ADGRD1: variants seen among roughly 807,000 people sequenced by gnomAD.
The protein encoded by ADGRD1 is adhesion G protein-coupled receptor D1.
A neutral mutation model predicts 113.4 loss-of-function variants in ADGRD1; 77 were observed. The ratio of observed to expected loss-of-function variants is 0.68; its 90% CI spans 0.57 to 0.82. ADGRD1 has a LOEUF of 0.82. Among genes scored for constraint, ADGRD1 ranks in the 40% least tolerant of loss-of-function variants. The pLI is 0.00. For synonymous variants in ADGRD1, 474 were observed against 475.0 expected (o/e 1.00, Z 0.03); for missense variants, 1,036 against 1,139.1 (o/e 0.91, Z 1.30).
intron 21 of ADGRD1, among the ~76,000 whole-genome samples, chr12:131,132,740 CAT>C (rs1227489341): frequency 2.6e-5 from 4 of 152,198 alleles, no homozygotes; most frequent in African/African-American, 9.6e-5. Flanking sequence ...GGGATTCACT[CAT>C]ATGACCGTGT....
Position 131,138,127 on chromosome 12 carries a change from C to G in ADGRD1, c.2437-10C>G. ...GAAATTGCTCTCACGATCCCTTCCC[C>G]GCTTTCAAGGTGAGAGCCGCCTTCA... is the stretch of plus-strand genomic sequence containing the variant. On this transcript the variant is annotated splice_polypyrimidine_tract_variant and intron_variant, in intron 23 of 24. Coordinates refer to ENST00000261654, the MANE Select transcript of ADGRD1 (RefSeq NM_198827.5). The G allele has an allele frequency of 6.2e-7, 1 of 1,612,358 alleles. No homozygotes were observed. The highest frequency in any genetic ancestry group is 8.5e-7 in the Non-Finnish European group (1 of 1,179,004).
At chr12:131,129,443 T>TGTGACAGGCCCGCCCTGCTCTGGGTGTGA (rs1950849907) in intron 20 of ADGRD1, among the ~76,000 whole-genome samples, 1 of 73,924 alleles carries the variant, frequency 1.4e-5, no homozygotes, top group African/African-American at 7.0e-5. Context: ...GCTGTCTGGG[T>TGTGACAGGCCCGCCCTGCTCTGGGTGTGA]GTGACAGGCC....
chr12:131,074,394 G>A (rs1885416100), intron 13 of ADGRD1, among the ~76,000 whole-genome samples: 1 of 152,196 alleles, frequency 6.6e-6, no homozygotes, highest in Admixed American at 6.5e-5. Context: ...TCAGGAGGAC[G>A]CTCAGGTGAA....
At chr12:131,106,788 G>A (rs1950242369) in intron 17 of ADGRD1, among the ~76,000 whole-genome samples, 2 of 152,194 alleles carry the variant, frequency 1.3e-5, no homozygotes, top group African/African-American at 4.8e-5. Context: ...CCTCAGACTC[G>A]GGAGCATCTG....
intron 12 of ADGRD1, among the ~76,000 whole-genome samples, chr12:131,008,050 G>A (rs1877383310): frequency 6.6e-6 from 1 of 152,250 alleles, no homozygotes; most frequent in African/African-American, 2.4e-5. Context: ...AGTGACTTGA[G>A]CCTGGAGGCC....
intron 2 of ADGRD1, among the ~76,000 whole-genome samples, chr12:130,959,900 G>T (rs1441404885): frequency 6.6e-6 from 1 of 152,186 alleles, no homozygotes; most frequent in African/African-American, 2.4e-5. Flanking sequence ...GAGGGACCGT[G>T]GGGACTATTG....
At chr12:131,064,887 G>A (rs537493781) in intron 13 of ADGRD1, among the ~76,000 whole-genome samples, 14 of 152,296 alleles carry the variant, frequency 9.2e-5, no homozygotes, top group East Asian at 3.9e-4. Flanking sequence ...CTGGGTGAGC[G>A]TTCCTGCCTA....
At chr12:131,076,715 G>T (rs1188495870) in intron 13 of ADGRD1, 86 bp from the exon 14 acceptor site, 2 of 1,174,182 alleles carry the variant, frequency 1.7e-6, no homozygotes, top group Non-Finnish European at 2.6e-6. Context: ...TCGCCCAGCT[G>T]TAAGGGTCTC....
intron 12 of ADGRD1, among the ~76,000 whole-genome samples, chr12:131,007,385 C>T (rs1239860774): frequency 6.6e-6 from 1 of 152,240 alleles, no homozygotes; most frequent in African/African-American, 2.4e-5. Flanking sequence ...AGGCGGCCAG[C>T]CCAAGAGCTG....
chr12:131,051,053 C>A lies in ADGRD1; in HGVS notation c.1474-25748C>A, dbSNP rs527486479. The stretch of plus-strand genomic sequence containing the variant: ...TCATGAGAACACCGCCCGCATGATC[C>A]AGTCACCTCCCAGCAGGCCCCGCCT... On this transcript the variant is annotated intron_variant, in intron 13 of 24. Transcript: ENST00000261654. Among the ~76,000 whole-genome samples the A allele has an allele frequency of 7.2e-5, 11 of 152,318 alleles. No homozygotes were observed. The South Asian group carries it at 8.3e-4, about 11-fold the overall frequency.
chr12:131,005,567 C>T (rs185435796), intron 11 of ADGRD1, among the ~76,000 whole-genome samples: 231 of 151,936 alleles, frequency 1.5e-3, no homozygotes, highest in Admixed American at 2.9e-3. Flanking sequence ...GGGATGCACT[C>T]GTGGGGCAAG....
chr12:131,133,420 C>T lies in ADGRD1; in HGVS notation c.2267+1604C>T, dbSNP rs138179429. Among the ~76,000 whole-genome samples, 335 of 152,348 alleles carry T rather than the reference C, an allele frequency of 2.2e-3. 2 individuals carry two copies. The highest frequency in any genetic ancestry group is 0.017 in the Middle Eastern group (5 of 294). On this transcript the variant is annotated intron_variant, in intron 21 of 24. Transcript: ENST00000261654. ...GCTTCTGTCCACTGCCTTTGCTTCT[C>T]CATGGAAATGTCCTCCAAGCGACAG...
Position 131,113,816 on chromosome 12 carries a change from A to G in ADGRD1, c.2042-4569A>G, listed in dbSNP as rs1186382743. ...CCTCTGCCCTCCCTCCAGGTCACGC[A>G]TGACCTGCTTCTTCAGGCCTCTGTG... On this transcript the variant is annotated intron_variant, in intron 18 of 24. Transcript: ENST00000261654. This position sits in a 1 kb window ranked among gnomAD's most constrained non-coding sequence, Gnocchi z 4.9. 6.6e-6 allele frequency among the ~76,000 whole-genome samples: 1 copy of G among 152,202 alleles called. No individual in the cohort carries two copies. The highest frequency in any genetic ancestry group is 2.4e-5 in the African/African-American group (1 of 41,460).
intron 22 of ADGRD1, 40 bp from the exon 23 acceptor site, chr12:131,136,933 A>C: frequency 1.9e-6 from 3 of 1,543,382 alleles, no homozygotes; most frequent in Non-Finnish European, 2.7e-6. Flanking sequence ...AACTACGTGC[A>C]AAGGGCTCTA....
chr12:130,972,184 G>T (rs750179692), intron 4 of ADGRD1, among the ~76,000 whole-genome samples: 3 of 152,184 alleles, frequency 2.0e-5, no homozygotes, highest in African/African-American at 7.2e-5. Flanking sequence ...CTGCTCTCTC[G>T]TATCTAGGCT....
chr12:131,051,568 C>G (rs1226246535), intron 13 of ADGRD1, among the ~76,000 whole-genome samples: 1 of 151,312 alleles, frequency 6.6e-6, no homozygotes, highest in African/African-American at 2.4e-5. Context: ...ACTGCAACCT[C>G]CATCTCCCAG....
chr12:130,972,238 A>G (rs1871754435), intron 4 of ADGRD1, among the ~76,000 whole-genome samples: 2 of 152,166 alleles, frequency 1.3e-5, no homozygotes, highest in South Asian at 2.1e-4. Flanking sequence ...TTTCTGGGAA[A>G]TTGTTCTCTG....
At chr12:131,092,680 G>T (rs1886991126) in intron 15 of ADGRD1, among the ~76,000 whole-genome samples, 1 of 152,120 alleles carries the variant, frequency 6.6e-6, no homozygotes, top group Non-Finnish European at 1.5e-5. Context: ...AGGAGCACCT[G>T]GGAATGCCAG....
At chr12:131,111,001 TGAA>T (rs1950333700) in intron 18 of ADGRD1, among the ~76,000 whole-genome samples, 1 of 152,248 alleles carries the variant, frequency 6.6e-6, no homozygotes, top group African/African-American at 2.4e-5. Flanking sequence ...CCCTTGTATT[TGAA>T]GAATTGTTTT....
Sources: gnomAD v4.1 joint callset for allele counts (sites outside exome capture counted in the v4.1 genomes callset) on GRCh38, gnomAD v4.1.1 for gene constraint, Gnocchi (gnomAD v3.1) non-coding constraint, MANE v1.5 for transcripts, NCBI Gene and HGNC (gene_info 2026-07-23, HGNC 2026-07-21) for gene names.